The following FASN variants were observed in gnomAD, a reference collection of about 807,000 sequenced individuals.
FASN encodes the protein fatty acid synthase, also known as 3-hydroxyacyl-[acyl-carrier-protein] dehydratase.
Under a neutral mutation model 250.0 loss-of-function variants are expected in FASN, and 50 were observed. The ratio of observed to expected loss-of-function variants is 0.20; its 90% CI spans 0.16 to 0.25. The LOEUF (loss-of-function observed/expected upper bound fraction) is 0.25, where lower values mean the gene tolerates loss of function less well. Among genes scored for constraint, FASN ranks in the 10% least tolerant of loss-of-function variants. FASN has a pLI of 1.00. For synonymous variants in FASN, 1,909 were observed against 1,584.0 expected, an observed-to-expected ratio of 1.21 and a Z score of -4.87; for missense variants, 3,031 against 3,498.5, an observed-to-expected ratio of 0.87 and a Z score of 3.37.
At chr17:82,084,453 A>G in intron 27 of FASN, 60 bp downstream of exon 27, 1 of 1,585,554 alleles carries the variant, frequency 6.3e-7, no homozygotes, top group Non-Finnish European at 8.6e-7. Context: ...GGCAGGTCCT[A>G]GCTGCTGGGG....
Position 82,082,050 on chromosome 17 carries a change from A to G in FASN, c.6122T>C (p.Met2041Thr). 1.2e-6 allele frequency: 2 copies of G among 1,610,644 alleles called. No individual in the cohort carries two copies. The highest frequency in any genetic ancestry group is 1.1e-5 in the South Asian group (1 of 91,088). ...QSNYGFANSA[M>T]ERICEKRRHE... The stretch of plus-strand genomic sequence containing the variant: ...CCGGCGTTTCTCACAGATACGCTCC[A>G]TGGCGGAATTGGCAAAGCCGTAGTT... Residue 2041 changes from methionine to threonine, a missense_variant, in exon 36 of 43, where the codon ATG (methionine) becomes ACG (threonine). By Grantham distance (81) the Met-to-Thr change is moderately conservative. Transcript: ENST00000306749.
intron 12 of FASN, 64 bp downstream of exon 12, chr17:82,089,568 C>A: frequency 6.4e-7 from 1 of 1,550,620 alleles, no homozygotes; most frequent in African/African-American, 1.4e-5. Context: ...GGCCGCGTGT[C>A]CCTGCCAGAC....
In FASN at chr17:82,079,568, C is replaced by T. The variant is rs771812890; in HGVS notation, c.7187G>A (p.Arg2396His). The T allele has an allele frequency of 3.1e-6, 5 of 1,605,198 alleles. No individual in the cohort carries two copies. The highest frequency in any genetic ancestry group is 4.2e-6 in the Non-Finnish European group (5 of 1,179,894). Residue 2396 changes from arginine (R) to histidine (H), a missense_variant, in exon 42 of 43, where the codon CGT becomes CAT. Transcript: ENST00000306749. ...ALLPLKGLEE[R>H]VAAAVDLIIK... ...GATCAGGTCCACGGCGGCTGCCACA[C>T]GCTCCTCTAGGCCCTTCAGCGGCAG...
At chr17:82,095,563 GT>G (rs1357742248) in intron 2 of FASN, 91 bp from the exon 3 acceptor site, 1 of 1,471,608 alleles carries the variant, frequency 6.8e-7, no homozygotes, top group Non-Finnish European at 9.4e-7. Context: ...AGGGGCCATG[GT>G]GGAACTGAGG....
rs201667504 is a variant in FASN at position 82,095,447 on chromosome 17, G to A, written c.153C>T (p.Ser51=). The A allele has an allele frequency of 2.5e-5, 41 of 1,612,616 alleles. No homozygotes were observed. Among genetic ancestry groups the A allele is most frequent in the Admixed American group, 1.8e-4 (11 of 60,004 alleles). Residue 51 remains serine (S), a synonymous_variant, in exon 3 of 43, where the codon TCC becomes TCT. Coordinates refer to ENST00000306749, the MANE Select transcript of FASN (RefSeq NM_004104.5). ...KAGLYGLPRR[S]GKLKDLSRFD... ...ACCTAGACAGGTCCTTCAGCTTGCC[G>A]GACCGCCGGGGCAGGCCGTAGAGCC...
rs147337778 is a variant in FASN, at chr17:82,083,208, G to T, written c.5559C>A (p.Val1853=). The T allele has an allele frequency of 1.2e-6, 2 of 1,612,456 alleles. No individual in the cohort carries two copies. The highest frequency in any genetic ancestry group is 2.2e-5 in the East Asian group (1 of 44,894). Residue 1853 remains valine, a synonymous_variant, in exon 32 of 43, where the codon GTC becomes GTA. Coordinates refer to ENST00000306749, the MANE Select transcript of FASN (RefSeq NM_004104.5). ...MAQGKHIGKV[V]VQVLAEEPEA... ...CCGGGACTCCTCCCCTCACCTGCAC[G>T]ACGACTTTGCCAATGTGCTTCCCTT...
chr17:82,082,790 C>A, intron 33 of FASN, 112 bp from the exon 34 acceptor site: 1 of 1,551,258 alleles, frequency 6.4e-7, no homozygotes. Context: ...AAGCCCCCCA[C>A]AAGATGGAGG....
chr17:82,093,974 G>A (rs1279586348), intron 3 of FASN: 7 of 634,778 alleles, frequency 1.1e-5, no homozygotes, highest in African/African-American at 5.4e-5. Context: ...GTGGCCAGCA[G>A]CCAGCCCAGG....
chr17:82,079,109 G>A lies in FASN; in HGVS notation c.*34C>T, dbSNP rs1019471382. On this transcript the variant is annotated 3_prime_UTR_variant, in exon 43 of 43. Transcript: ENST00000306749. ...TGGGGTGGGGTGGGGTGGGGATGGT[G>A]GAGTGACCTCCGGTGGCAGGCGGGG... 1.9e-6 allele frequency: 3 copies of A among 1,595,744 alleles called. No individual in the cohort carries two copies. The highest frequency in any genetic ancestry group is 2.2e-5 in the East Asian group (1 of 44,464).
chr17:82,083,570 T>TGC lies in FASN; in HGVS notation c.5286_5287dup (p.His1763ArgfsTer25). 1 of 1,612,806 alleles carries TGC rather than the reference T, an allele frequency of 6.2e-7. No homozygotes were observed. The highest frequency in any genetic ancestry group is 2.2e-5 in the East Asian group (1 of 44,884). On this transcript the variant is annotated frameshift_variant, in exon 31 of 43. Transcript: ENST00000306749. LOFTEE classifies it high-confidence loss of function. ...TTTGCCAATTTCCAGGAAGCGACCG[T>TGC]GCGTAGCCAAGCACCTCACGCTGGC...
intron 3 of FASN, among the ~76,000 whole-genome samples, chr17:82,094,866 G>A (rs2034277074): frequency 6.6e-6 from 1 of 151,550 alleles, no homozygotes. Context: ...GTCAGAGCGA[G>A]GGCCAGGCTG....
chr17:82,090,640 G>A, intron 10 of FASN, 76 bp from the exon 11 acceptor site: 1 of 1,376,100 alleles, frequency 7.3e-7, no homozygotes, highest in South Asian at 1.2e-5. Context: ...GGCCCCACTA[G>A]GCCATCTCCA....
In FASN at chr17:82,096,465, C is replaced by T. The variant is rs201311256; in HGVS notation, c.-7-13G>A. 6.4e-3 allele frequency: 10,381 copies of T among 1,609,480 alleles called. 49 individuals carry two copies. The highest frequency in any genetic ancestry group is 7.5e-3 in the Non-Finnish European group (8,876 of 1,179,858). Reference sequence around the variant, plus strand: ...CTCCATGGCTGCTCTGCAGGGCGGGCGGTGTGAGTGCCCCACACATCCCGG... The same window carrying T: ...CTCCATGGCTGCTCTGCAGGGCGGGTGGTGTGAGTGCCCCACACATCCCGG... On this transcript the variant is annotated splice_polypyrimidine_tract_variant and intron_variant, in intron 1 of 42. Coordinates refer to ENST00000306749, the MANE Select transcript of FASN (RefSeq NM_004104.5).
At chr17:82,090,122 T>C (rs1184501795) in intron 11 of FASN, among the ~76,000 whole-genome samples, 2 of 152,198 alleles carry the variant, frequency 1.3e-5, no homozygotes, top group African/African-American at 4.8e-5. Flanking sequence ...GCTGCAGCTG[T>C]GTGCTCATCA....
intron 30 of FASN, 40 bp downstream of exon 30, chr17:82,083,732 G>T: frequency 6.2e-7 from 1 of 1,610,368 alleles, no homozygotes; most frequent in South Asian, 1.1e-5. Context: ...TGGGCCGGAG[G>T]CTAGGCAGGA....
chr17:82,083,142 C>A, intron 32 of FASN, 27 bp from the exon 33 acceptor site: 1 of 1,610,592 alleles, frequency 6.2e-7, no homozygotes, highest in African/African-American at 1.3e-5. Context: ...CCCACCGGCT[C>A]AGGCACTGCC....
Position 82,078,938 on chromosome 17 carries a change from A to C in FASN, c.*205T>G, listed in dbSNP as rs934680958. 1.5e-6 allele frequency: 1 copy of C among 650,726 alleles called. No homozygotes were observed. The highest frequency in any genetic ancestry group is 2.7e-6 in the Non-Finnish European group (1 of 376,736). The allele number at this position is 650,726 out of a possible 1,614,324, so 40.3% of individuals were successfully genotyped here. On this transcript the variant is annotated 3_prime_UTR_variant, in exon 43 of 43. Coordinates refer to ENST00000306749, the MANE Select transcript of FASN (RefSeq NM_004104.5). The surrounding 1 kb of genome is among the most constrained non-coding windows in gnomAD (Gnocchi z 5.4). Reference sequence around the variant, plus strand: ...ACAGACCAGGAGTCTCCAAGTCGGCAGCTCTGGTGTCCCCGAGGTGCCGTG... The same window carrying C: ...ACAGACCAGGAGTCTCCAAGTCGGCCGCTCTGGTGTCCCCGAGGTGCCGTG...
At chr17:82,094,517 G>A (rs572612196) in intron 3 of FASN, among the ~76,000 whole-genome samples, 1 of 152,202 alleles carries the variant, frequency 6.6e-6, no homozygotes, top group African/African-American at 2.4e-5. Context: ...ATGGCTGGGC[G>A]TGGTGGCTCA....
rs147554288 is a variant in FASN, at chr17:82,081,698, G to C, written c.6309C>G (p.His2103Gln). The change falls in exon 37 of 43, where the codon CAC becomes CAG. Residue 2103 changes from histidine to glutamine, a missense_variant. Transcript: ENST00000306749. ...CCAGCACAAAGCTGCTCAGGACCAT[G>C]TGGGGCTGGTTCAGGAAGAGGTCCA... ...EVLDLFLNQP[H>Q]MVLSSFVLAE... 19 of 1,612,772 alleles carry C rather than the reference G, an allele frequency of 1.2e-5. No individual in the cohort carries two copies. The Middle Eastern group carries it at 8.2e-4, about 70-fold the overall frequency.
Sources: gnomAD v4.1 joint callset for allele counts (sites outside exome capture counted in the v4.1 genomes callset) on GRCh38, gnomAD v4.1.1 for gene constraint, Gnocchi (gnomAD v3.1) non-coding constraint, MANE v1.5 for transcripts, NCBI Gene and HGNC (gene_info 2026-07-23, HGNC 2026-07-21) for gene names.